Variants in PLCB2 observed in about 807,000 individuals in gnomAD.
PLCB2 encodes the protein 1-phosphatidylinositol 4,5-bisphosphate phosphodiesterase beta-2.
A neutral mutation model predicts 141.7 loss-of-function variants in PLCB2; 115 were observed. The observed-to-expected ratio is 0.81, with a 90% CI of 0.70 to 0.95. The LOEUF is 0.95. Among genes scored for constraint, PLCB2 ranks in the 40% least tolerant of loss-of-function variants. The pLI, the probability that PLCB2 is intolerant of heterozygous loss-of-function variation, is 0.00. For missense variants in PLCB2, 1,403 were observed against 1,541.1 expected (o/e 0.91, Z 1.50); for synonymous variants, 603 against 595.6 (o/e 1.01, Z -0.18).
At position 40,297,017 on chromosome 15, in the gene PLCB2, C is replaced by A. The variant is rs2305650; in HGVS notation, c.1324-109G>T. 8.1e-6 allele frequency: 8 copies of A among 991,982 alleles called. No homozygotes were observed. The highest frequency in any genetic ancestry group is 7.2e-5 in the East Asian group (3 of 41,546). 61.4% of individuals were successfully genotyped at this position (991,982 alleles called of 1,614,324 possible). A position where few individuals can be genotyped will look rare whatever the true frequency, so the allele number is the denominator to read the frequency against. On this transcript the variant is annotated intron_variant, in intron 13 of 31. Transcript: ENST00000260402. The surrounding 1 kb of genome is among the most constrained non-coding windows in gnomAD (Gnocchi z 4.2). ...GCCTCCCCCACTCCTCTTGACCTGCCTCTCACTACTGCTTATCATCCCCAT... is the reference window on the plus strand; with the variant it reads ...GCCTCCCCCACTCCTCTTGACCTGCATCTCACTACTGCTTATCATCCCCAT...
Position 40,298,831 on chromosome 15 carries a change from T to G in PLCB2, c.817A>C (p.Lys273Gln). The G allele has an allele frequency of 6.2e-7, 1 of 1,613,802 alleles. No individual in the cohort carries two copies. The highest frequency in any genetic ancestry group is 8.5e-7 in the Non-Finnish European group (1 of 1,179,974). Residue 273 changes from lysine to glutamine, a missense_variant, in exon 9 of 32, where the codon AAG becomes CAG. Transcript: ENST00000260402. ...GCATTGATGCCACTGGGCTCATACTTGTCGATGAGGCCCTGCACCTGGTCA... is the reference window on the plus strand; with the variant it reads ...GCATTGATGCCACTGGGCTCATACTGGTCGATGAGGCCCTGCACCTGGTCA... ...RPDQVQGLID[K>Q]YEPSGINAQR...
chr15:40,291,564 C>G (rs1231003945), intron 25 of PLCB2, 42 bp downstream of exon 25: 1 of 1,611,984 alleles, frequency 6.2e-7, no homozygotes, highest in Non-Finnish European at 8.5e-7. Context: ...CCGGACCCGC[C>G]CCAGGCTCAT....
chr15:40,285,804 C>T, downstream of PLCB2: 4 of 985,504 alleles, frequency 4.1e-6, no homozygotes, highest in African/African-American at 1.7e-5. Flanking sequence ...TCACACCCCC[C>T]CAGGTGGAGG....
In PLCB2 at chr15:40,288,689, C is replaced by T. The variant is rs761903442; in HGVS notation, c.*26G>A. On this transcript the variant is annotated 3_prime_UTR_variant, in exon 32 of 32. Transcript: ENST00000260402. The stretch of plus-strand genomic sequence containing the variant: ...CCAGAGAAGGGGCTGAACCTCCTTG[C>T]TAAATGTCCCAGTGGGATGGGGGCA... 3 of 1,547,572 alleles carry T rather than the reference C, an allele frequency of 1.9e-6. No homozygotes were observed. The highest frequency in any genetic ancestry group is 2.6e-6 in the Non-Finnish European group (3 of 1,141,736).
rs1391456191 is a variant in PLCB2, at chr15:40,294,286, C to T, written c.2041G>A (p.Ala681Thr). The change falls in exon 19 of 32, where the codon GCC becomes ACC. Residue 681 changes from alanine (A) to threonine (T), a missense_variant. Coordinates refer to ENST00000260402, the MANE Select transcript of PLCB2 (RefSeq NM_004573.3). ...FSVDRIDVVV[A>T]TTLSITVISG... ...CTTGCCGTAATGGAAAGGGTGGTGGCCACCACCACGTCGATGCGGTCCACT... is the reference window on the plus strand; with the variant it reads ...CTTGCCGTAATGGAAAGGGTGGTGGTCACCACCACGTCGATGCGGTCCACT... 1.9e-6 allele frequency: 3 copies of T among 1,613,886 alleles called. No homozygotes were observed. In the South Asian group the frequency reaches 3.3e-5, roughly 18 times the overall value.
At chr15:40,299,449 T>C (rs974015036) in intron 7 of PLCB2, among the ~76,000 whole-genome samples, 2 of 152,178 alleles carry the variant, frequency 1.3e-5, no homozygotes, top group African/African-American at 4.8e-5. Context: ...ACAGTGGCTA[T>C]TCCATTGGCT....
downstream of PLCB2, chr15:40,284,568 G>A (rs1373397250): frequency 2.2e-6 from 1 of 454,284 alleles, no homozygotes; most frequent in African/African-American, 2.0e-5. Context: ...CAGGCCGGGT[G>A]CAGTGGCTCA....
At chr15:40,301,461 C>A (rs533181938) in intron 7 of PLCB2, 9 of 643,490 alleles carry the variant, frequency 1.4e-5, no homozygotes, top group Non-Finnish European at 2.5e-5. Context: ...ACTAAAAAGA[C>A]AGGGAAAAAT....
At chr15:40,296,265 A>G (rs373418796) in intron 16 of PLCB2, 31 bp downstream of exon 16, 3 of 1,536,118 alleles carry the variant, frequency 2.0e-6, no homozygotes, top group Non-Finnish European at 2.7e-6. Flanking sequence ...CCTTCTTCTT[A>G]CCCACCCGTA....
chr15:40,297,942 A>G lies in PLCB2; in HGVS notation c.1173T>C (p.Ile391=). ...GGGAGGTCTTAAAGGCGCTTTCTGCAATAGCCTCAATTGCTTCCTGGAGGA... is the reference window on the plus strand; with the variant it reads ...GGGAGGTCTTAAAGGCGCTTTCTGCGATAGCCTCAATTGCTTCCTGGAGGA... ...DIFFKEAIEA[I]AESAFKTSPY... is the part of the protein sequence containing the mutation. Residue 391 remains isoleucine (I), a synonymous_variant, in exon 12 of 32, where the codon ATT becomes ATC. Coordinates refer to ENST00000260402, the MANE Select transcript of PLCB2 (RefSeq NM_004573.3). This position sits in a 1 kb window ranked among gnomAD's most constrained non-coding sequence, Gnocchi z 4.2. 6.2e-7 allele frequency: 1 copy of G among 1,611,558 alleles called. No individual in the cohort carries two copies. Among genetic ancestry groups the G allele is most frequent in the Non-Finnish European group, 8.5e-7 (1 of 1,177,752 alleles).
downstream of PLCB2, chr15:40,286,109 GCTGAGACTTTGC>G: frequency 1.1e-6 from 1 of 910,436 alleles, no homozygotes; most frequent in Non-Finnish European, 1.3e-6. Context: ...CTGAAAAAAA[GCTGAGACTTTGC>G]TGCAGAGCAC....
chr15:40,294,876 G>A (rs983288544), intron 18 of PLCB2, 60 bp downstream of exon 18: 21 of 1,608,556 alleles, frequency 1.3e-5, no homozygotes, highest in African/African-American at 8.0e-5. Context: ...CCTCAAGGAT[G>A]TAAAGGTGGG....
downstream of PLCB2, among the ~76,000 whole-genome samples, chr15:40,284,832 C>T (rs1242054934): frequency 2.7e-5 from 2 of 72,916 alleles, no homozygotes; most frequent in Admixed American, 2.2e-4. Flanking sequence ...GAGTGAGACT[C>T]CGTCAAAAAA....
chr15:40,302,388 AC>A, intron 4 of PLCB2, 39 bp from the exon 5 acceptor site: 1 of 1,611,180 alleles, frequency 6.2e-7, no homozygotes, highest in Non-Finnish European at 8.5e-7. Context: ...GCTCCTGAGC[AC>A]CCCCGCCCAG....
intron 22 of PLCB2, 50 bp downstream of exon 22, chr15:40,292,288 AG>A (rs778167777): frequency 6.6e-7 from 1 of 1,520,228 alleles, no homozygotes; most frequent in Non-Finnish European, 9.1e-7. Context: ...CTTGATGGGA[AG>A]GAAGGGGGAA....
In PLCB2 at chr15:40,298,641, G is replaced by T; in HGVS notation, c.918C>A (p.Asp306Glu). Residue 306 changes from aspartate to glutamate, a missense_variant, in exon 10 of 32, where the codon GAC becomes GAA. Physicochemically the swap from Asp to Glu is conservative, Grantham distance 45 (BLOSUM62 2). This residue lies in a region of PLCB2 where 975 missense variants were observed against 1,141.1 expected (regional missense o/e 0.85). Coordinates refer to ENST00000260402, the MANE Select transcript of PLCB2 (RefSeq NM_004573.3). ...TCATGTCGTGGTGGAGCAGCAGCTTGTCCTGGGCCAGCACGCTGTTCTCTG... is the reference window on the plus strand; with the variant it reads ...TCATGTCGTGGTGGAGCAGCAGCTTTTCCTGGGCCAGCACGCTGTTCTCTG... ...CGPENSVLAQ[D>E]KLLLHHDMTQ... The T allele has an allele frequency of 1.2e-6, 2 of 1,614,240 alleles. No homozygotes were observed. The highest frequency in any genetic ancestry group is 1.3e-5 in the African/African-American group (1 of 75,066).
chr15:40,290,897 G>C, intron 27 of PLCB2, 60 bp from the exon 28 acceptor site: 1 of 1,378,798 alleles, frequency 7.3e-7, no homozygotes, highest in Non-Finnish European at 1.0e-6. Context: ...GGAGTACGGG[G>C]GGCGGGGGTC....
In PLCB2 at chr15:40,307,641, G is replaced by C. The variant is rs754087627; in HGVS notation, c.32C>G (p.Pro11Arg). Reference sequence around the variant, plus strand: ...TTGGCTCAGATAGGCCTTCACCTTGGGGGGCAGCAGGACAGGGTTGAGCAG... The same window carrying C: ...TTGGCTCAGATAGGCCTTCACCTTGCGGGGCAGCAGGACAGGGTTGAGCAG... MSLLNPVLLP[P>R]KVKAYLSQGE... Residue 11 changes from proline (P) to arginine (R), a missense_variant, in exon 1 of 32, where the codon CCC (proline) becomes CGC (arginine). By Grantham distance (103) the Pro-to-Arg change is moderately radical. Transcript: ENST00000260402. 5.1e-5 allele frequency: 81 copies of C among 1,583,326 alleles called. No individual in the cohort carries two copies. Among genetic ancestry groups the C allele is most frequent in the Non-Finnish European group, 6.5e-5 (76 of 1,162,984 alleles).
At chr15:40,293,477 G>C in intron 20 of PLCB2, 83 bp downstream of exon 20, 1 of 1,369,256 alleles carries the variant, frequency 7.3e-7, no homozygotes, top group Non-Finnish European at 1.0e-6. Context: ...GAAGGTCAAG[G>C]AGCTGCCTTG....
Sources: gnomAD v4.1 joint callset for allele counts (sites outside exome capture counted in the v4.1 genomes callset) on GRCh38, gnomAD v4.1.1 for gene constraint, gnomAD v4.1.1 regional missense constraint, Gnocchi (gnomAD v3.1) non-coding constraint, MANE v1.5 for transcripts, NCBI Gene and HGNC (gene_info 2026-07-23, HGNC 2026-07-21) for gene names.